The following ITFG1 variants were observed in gnomAD, a reference collection of about 807,000 sequenced individuals.
ITFG1 encodes the protein T-cell immunomodulatory protein.
Under a neutral mutation model 81.8 loss-of-function variants are expected in ITFG1, and 34 were observed. The observed-to-expected ratio is 0.42, with a 90% confidence interval of 0.32 to 0.55. The LOEUF (loss-of-function observed/expected upper bound fraction) is 0.55. Among genes scored for constraint, ITFG1 ranks in the 20% least tolerant of loss-of-function variants. ITFG1 has a pLI of 0.17. For synonymous variants in ITFG1, 285 were observed against 270.6 expected (o/e 1.05, Z -0.52); for missense variants, 672 against 755.4 (o/e 0.89, Z 1.29).
Position 47,403,761 on chromosome 16 carries a change from TACACACAC to T in ITFG1, c.655+25035_655+25042del, listed in dbSNP as rs55978309. Among the ~76,000 whole-genome samples, 597 of 133,224 alleles carry T rather than the reference TACACACAC, an allele frequency of 4.5e-3. 8 individuals carry two copies. The highest frequency in any genetic ancestry group is 0.013 in the African/African-American group (448 of 35,268). The allele number at this position is 133,224 out of a possible 152,430, so 87.4% of individuals were successfully genotyped here. On this transcript the variant is annotated intron_variant, in intron 6 of 17. Coordinates refer to ENST00000320640, the MANE Select transcript of ITFG1 (RefSeq NM_030790.5). Reference sequence around the variant, plus strand: ...AAAAGTTGATTTTGATCTCTCTTGGTACACACACACACACACACACACACACACACACA... The same window carrying T: ...AAAAGTTGATTTTGATCTCTCTTGGTACACACACACACACACACACACACA...
intron 12 of ITFG1, among the ~76,000 whole-genome samples, chr16:47,243,043 C>A (rs1249534010): frequency 6.6e-6 from 1 of 151,838 alleles, no homozygotes; most frequent in African/African-American, 2.4e-5. Flanking sequence ...TTAACAATTC[C>A]ATTTTTAATA....
intron 16 of ITFG1, among the ~76,000 whole-genome samples, chr16:47,160,140 T>C (rs11644557): frequency 0.054 from 8,116 of 151,388 alleles, 305 homozygotes; most frequent in Non-Finnish European, 0.078. Flanking sequence ...TTGGTAGTTC[T>C]ACTTTTAAAA....
intron 8 of ITFG1, among the ~76,000 whole-genome samples, chr16:47,352,820 A>G (rs1450195168): frequency 6.6e-6 from 1 of 152,232 alleles, no homozygotes; most frequent in Non-Finnish European, 1.5e-5. Context: ...AATGTCCAAC[A>G]ATGACAGACT....
intron 14 of ITFG1, among the ~76,000 whole-genome samples, chr16:47,210,436 T>C (rs1264886063): frequency 6.6e-6 from 1 of 152,216 alleles, no homozygotes; most frequent in African/African-American, 2.4e-5. Context: ...TTGTCAGATA[T>C]GTGATTTGCA....
chr16:47,369,399 G>C lies in ITFG1; in HGVS notation c.721-3530C>G, dbSNP rs138633115. ...GTTGTTAGAAGGGATTAAACATACT[G>C]TCTACTTGCAGGGTTCTGGAGAGGT... On this transcript the variant is annotated intron_variant, in intron 7 of 17. Coordinates refer to ENST00000320640, the MANE Select transcript of ITFG1 (RefSeq NM_030790.5). 3.3e-3 allele frequency among the ~76,000 whole-genome samples: 502 copies of C among 152,312 alleles called. 3 individuals are homozygous for C. Among genetic ancestry groups the C allele is most frequent in the African/African-American group, 0.012 (479 of 41,570 alleles).
intron 14 of ITFG1, among the ~76,000 whole-genome samples, chr16:47,179,760 C>T (rs1264752354): frequency 6.6e-6 from 1 of 152,164 alleles, no homozygotes; most frequent in African/African-American, 2.4e-5. Flanking sequence ...AAAGAAAGAT[C>T]TTAAATTACC....
chr16:47,352,931 C>T (rs955635153), intron 8 of ITFG1, among the ~76,000 whole-genome samples: 1 of 152,020 alleles, frequency 6.6e-6, no homozygotes, highest in African/African-American at 2.4e-5. Context: ...AGCTGGAAAC[C>T]ATGATTCTCA....
At chr16:47,294,937 C>T (rs1241078185) in intron 10 of ITFG1, among the ~76,000 whole-genome samples, 6 of 152,082 alleles carry the variant, frequency 3.9e-5, no homozygotes, top group Non-Finnish European at 8.8e-5. Context: ...ATGTGTTGTT[C>T]CAGTTCTTCG....
chr16:47,428,114 C>A (rs536743720), intron 6 of ITFG1, among the ~76,000 whole-genome samples: 2 of 151,944 alleles, frequency 1.3e-5, no homozygotes, highest in East Asian at 1.9e-4. Flanking sequence ...CTCCAGCCTG[C>A]GGAACAGAGT....
At chr16:47,222,603 C>CGG (rs1247575108) in intron 13 of ITFG1, among the ~76,000 whole-genome samples, 1 of 151,944 alleles carries the variant, frequency 6.6e-6, no homozygotes, top group Non-Finnish European at 1.5e-5. Flanking sequence ...TTAGTAGAGA[C>CGG]GGGGTTTCAC....
chr16:47,234,205 C>G (rs1965846793), intron 13 of ITFG1, among the ~76,000 whole-genome samples: 1 of 151,894 alleles, frequency 6.6e-6, no homozygotes, highest in Non-Finnish European at 1.5e-5. Context: ...AATGATCAGA[C>G]CAGGAATTTA....
At chr16:47,326,719 T>A (rs1596897594) in intron 8 of ITFG1, among the ~76,000 whole-genome samples, 1 of 152,188 alleles carries the variant, frequency 6.6e-6, no homozygotes, top group East Asian at 1.9e-4. Context: ...GAACTCCCAT[T>A]CACAATGGCT....
At chr16:47,266,226 T>G (rs944244466) in intron 10 of ITFG1, among the ~76,000 whole-genome samples, 11 of 152,080 alleles carry the variant, frequency 7.2e-5, no homozygotes, top group African/African-American at 2.7e-4. Flanking sequence ...TTGTTTGTTT[T>G]TGTTTTTTTG....
At chr16:47,300,002 G>C (rs957451389) in intron 10 of ITFG1, 4 of 152,370 alleles carry the variant, frequency 2.6e-5, no homozygotes, top group African/African-American at 9.6e-5. Context: ...GAAAGGGCAT[G>C]GGATGTTCTT....
intron 8 of ITFG1, among the ~76,000 whole-genome samples, chr16:47,350,645 G>A (rs567561704): frequency 1.2e-4 from 19 of 152,280 alleles, no homozygotes; most frequent in Admixed American, 1.2e-3. Flanking sequence ...ACAAGGAGGA[G>A]CTGGTACCAT....
intron 14 of ITFG1, chr16:47,218,192 A>G: frequency 6.6e-6 from 1 of 152,112 alleles, no homozygotes; most frequent in East Asian, 1.9e-4. Flanking sequence ...CTCTGCTTAT[A>G]CTTCTTCATG....
chr16:47,321,006 A>G (rs1192812726), intron 8 of ITFG1, among the ~76,000 whole-genome samples: 1 of 152,216 alleles, frequency 6.6e-6, no homozygotes, highest in Non-Finnish European at 1.5e-5. Context: ...TCTATCTACA[A>G]TCTGGAACTC....
intron 6 of ITFG1, among the ~76,000 whole-genome samples, chr16:47,428,582 TTC>T (rs1969053450): frequency 6.6e-6 from 1 of 152,202 alleles, no homozygotes; most frequent in South Asian, 2.1e-4. Context: ...AGAATTCAAA[TTC>T]TGAGGCAGTT....
At chr16:47,224,668 T>C (rs921367299) in intron 13 of ITFG1, among the ~76,000 whole-genome samples, 1 of 152,060 alleles carries the variant, frequency 6.6e-6, no homozygotes, top group Admixed American at 6.5e-5. Context: ...AAAAAAATTA[T>C]GACATGCAAA....
Sources: gnomAD v4.1 joint callset for allele counts (sites outside exome capture counted in the v4.1 genomes callset) on GRCh38, gnomAD v4.1.1 for gene constraint, MANE v1.5 for transcripts, NCBI Gene and HGNC (gene_info 2026-07-23, HGNC 2026-07-21) for gene names.